The following FAM53B variants were observed in gnomAD, a reference collection of about 807,000 sequenced individuals.
FAM53B encodes the protein protein FAM53B.
FAM53B carries 12 observed loss-of-function variants against 32.7 expected under a neutral mutation model. The ratio of observed to expected loss-of-function variants is 0.37; its 90% CI spans 0.24 to 0.59. FAM53B has a LOEUF of 0.59. FAM53B is among the 20% of genes least tolerant of loss of function. FAM53B has a pLI of 0.72. For missense variants in FAM53B, 477 were observed against 577.7 expected (o/e 0.83, Z 1.79); for synonymous variants, 234 against 228.7 (o/e 1.02, Z -0.21).
At chr10:124,661,458 G>T (rs1949630769) in intron 4 of FAM53B, among the ~76,000 whole-genome samples, 1 of 152,158 alleles carries the variant, frequency 6.6e-6, no homozygotes, top group South Asian at 2.1e-4. Flanking sequence ...TGTAAGCCAG[G>T]CCTCCTGAAA....
chr10:124,632,567 C>T lies in FAM53B; in HGVS notation c.907-8963G>A, dbSNP rs186904733. On this transcript the variant is annotated intron_variant, in intron 4 of 4. Coordinates refer to ENST00000337318, the MANE Select transcript of FAM53B (RefSeq NM_014661.4). ...AGGCTCTCAGAGGGGCTGGTGGGCA[C>T]TCGTTCGCATTCAGCTGCCTGGGGC... Among the ~76,000 whole-genome samples the T allele has an allele frequency of 1.2e-3, 181 of 152,348 alleles. 1 individual carries two copies. The highest frequency in any genetic ancestry group is 3.4e-3 in the Middle Eastern group (1 of 294).
At chr10:124,729,756 C>A (rs974988149) in intron 1 of FAM53B, among the ~76,000 whole-genome samples, 1 of 152,190 alleles carries the variant, frequency 6.6e-6, no homozygotes, top group Non-Finnish European at 1.5e-5. Context: ...CTACAACCAG[C>A]CACACAGCTC....
At chr10:124,685,943 C>T (rs1275300465) in intron 3 of FAM53B, among the ~76,000 whole-genome samples, 3 of 152,178 alleles carry the variant, frequency 2.0e-5, no homozygotes, top group Non-Finnish European at 4.4e-5. Flanking sequence ...GGAAAGAAGA[C>T]AAGCATTTCA....
intron 4 of FAM53B, among the ~76,000 whole-genome samples, chr10:124,655,730 C>T (rs1305527276): frequency 6.6e-6 from 1 of 152,238 alleles, no homozygotes; most frequent in Non-Finnish European, 1.5e-5. Flanking sequence ...ACACGCCAGC[C>T]TTGGAGGTCT....
At chr10:124,736,382 C>T (rs993051484) in intron 1 of FAM53B, among the ~76,000 whole-genome samples, 2 of 152,282 alleles carry the variant, frequency 1.3e-5, no homozygotes, top group African/African-American at 4.8e-5. Flanking sequence ...CCGCATCCTG[C>T]ACTCCTTCTG....
At chr10:124,697,892 A>C (rs1401264544) in intron 2 of FAM53B, among the ~76,000 whole-genome samples, 1 of 152,042 alleles carries the variant, frequency 6.6e-6, no homozygotes, top group Non-Finnish European at 1.5e-5. Context: ...ATATCTGGGA[A>C]GAATTCAAAA....
intron 4 of FAM53B, among the ~76,000 whole-genome samples, chr10:124,642,727 T>C (rs1350699546): frequency 6.6e-6 from 1 of 152,216 alleles, no homozygotes; most frequent in East Asian, 1.9e-4. Flanking sequence ...TCTCTTCTTA[T>C]GCAGTGGAAT....
intron 4 of FAM53B, among the ~76,000 whole-genome samples, chr10:124,671,975 A>ATTT (rs1491072314): frequency 6.6e-6 from 1 of 152,144 alleles, no homozygotes; most frequent in Non-Finnish European, 1.5e-5. Context: ...TTGCTTTCTG[A>ATTT]TTTCTTGACT....
At chr10:124,702,501 A>T (rs978908080) in intron 2 of FAM53B, among the ~76,000 whole-genome samples, 4 of 152,176 alleles carry the variant, frequency 2.6e-5, no homozygotes, top group African/African-American at 9.7e-5. Flanking sequence ...TCTCTCCCCA[A>T]GGCCTGGAGG....
intron 1 of FAM53B, among the ~76,000 whole-genome samples, chr10:124,734,494 G>A (rs914260548): frequency 2.0e-5 from 3 of 152,208 alleles, no homozygotes; most frequent in African/African-American, 7.2e-5. Context: ...AGAGGCAGCC[G>A]AGACACCTCA....
chr10:124,727,880 G>A (rs1308506734), intron 1 of FAM53B, among the ~76,000 whole-genome samples: 1 of 152,202 alleles, frequency 6.6e-6, no homozygotes, highest in Non-Finnish European at 1.5e-5. Flanking sequence ...AAGAGAAACT[G>A]AAAGTCAGGA....
chr10:124,671,101 TACATC>T, intron 4 of FAM53B: 5 of 444,116 alleles, frequency 1.1e-5, no homozygotes, highest in Admixed American at 7.1e-5. Flanking sequence ...GAGGCAGCCG[TACATC>T]TCCCCGTCTG....
intron 4 of FAM53B, among the ~76,000 whole-genome samples, chr10:124,636,059 G>A (rs1447899388): frequency 6.6e-6 from 1 of 152,194 alleles, no homozygotes; most frequent in Non-Finnish European, 1.5e-5. Context: ...TTTCGAACAC[G>A]TGAATGTACT....
intron 4 of FAM53B, among the ~76,000 whole-genome samples, chr10:124,676,567 G>A (rs1949737797): frequency 1.3e-5 from 2 of 151,936 alleles, no homozygotes; most frequent in Non-Finnish European, 2.9e-5. Context: ...AAGGGCCACT[G>A]TCCCTCAAAG....
intron 2 of FAM53B, among the ~76,000 whole-genome samples, chr10:124,699,682 T>C (rs888287160): frequency 5.3e-5 from 8 of 152,192 alleles, no homozygotes; most frequent in African/African-American, 1.9e-4. Context: ...CGTCACTGGA[T>C]CATGTCTTAG....
intron 2 of FAM53B, among the ~76,000 whole-genome samples, chr10:124,698,810 G>C (rs1333024982): frequency 6.6e-6 from 1 of 152,062 alleles, no homozygotes; most frequent in Non-Finnish European, 1.5e-5. Flanking sequence ...TCTTAAAGCA[G>C]AGATCAGACC....
chr10:124,743,361 A>G (rs1950211292), intron 1 of FAM53B, among the ~76,000 whole-genome samples: 1 of 152,032 alleles, frequency 6.6e-6, no homozygotes, highest in South Asian at 2.1e-4. Context: ...CCATGTGCAA[A>G]AGCCACGCCG....
chr10:124,720,423 T>C (rs1158494383), intron 1 of FAM53B, among the ~76,000 whole-genome samples: 1 of 152,140 alleles, frequency 6.6e-6, no homozygotes, highest in Non-Finnish European at 1.5e-5. Flanking sequence ...ATCACACCAC[T>C]GCCTCCAGCC....
intron 1 of FAM53B, among the ~76,000 whole-genome samples, chr10:124,732,529 T>C (rs1332912302): frequency 6.6e-6 from 1 of 152,174 alleles, no homozygotes. Context: ...ATGTGTAACA[T>C]ATAAGGACTC....
Sources: allele counts gnomAD v4.1 joint callset (sites outside exome capture counted in the v4.1 genomes callset), GRCh38; gene constraint gnomAD v4.1.1; transcripts MANE v1.5; gene names NCBI Gene and HGNC (gene_info 2026-07-23, HGNC 2026-07-21).